ABI3BP: variants seen among roughly 807,000 people sequenced by gnomAD.
ABI3BP encodes target of Nesh-SH3.
ABI3BP carries 216 observed loss-of-function variants against 268.6 expected under a neutral mutation model. That is an observed-to-expected ratio of 0.80 (90% CI 0.72 to 0.90). The LOEUF is 0.90. ABI3BP is among the 40% of genes least tolerant of loss of function. The pLI, the probability that ABI3BP is intolerant of heterozygous loss-of-function variation, is 0.00. For missense variants in ABI3BP, 2,090 were observed against 2,182.4 expected, an observed-to-expected ratio of 0.96 and a Z score of 0.84; for synonymous variants, 730 against 730.0, an observed-to-expected ratio of 1.00 and a Z score of 0.00.
intron 37 of ABI3BP, 60 bp from the exon 38 acceptor site, chr3:100,822,732 T>A (rs1488995699): frequency 1.4e-6 from 2 of 1,461,626 alleles, no homozygotes; most frequent in Admixed American, 2.0e-5. Flanking sequence ...CTGGAAGCTG[T>A]GTGAGGTAAA....
At chr3:100,791,039 C>T (rs2097184156) in intron 55 of ABI3BP, among the ~76,000 whole-genome samples, 1 of 151,742 alleles carries the variant, frequency 6.6e-6, no homozygotes, top group African/African-American at 2.4e-5. Context: ...TTGTAACTTA[C>T]TCATATAGCT....
intron 2 of ABI3BP, among the ~76,000 whole-genome samples, chr3:100,925,137 T>C (rs182330225): frequency 6.6e-6 from 1 of 152,274 alleles, no homozygotes; most frequent in East Asian, 1.9e-4. Flanking sequence ...AGATGCTTAA[T>C]TAACAATATT....
At chr3:100,839,758 C>T (rs917506472) in intron 23 of ABI3BP, 142 bp from the exon 24 acceptor site, 57 of 940,246 alleles carry the variant, frequency 6.1e-5, no homozygotes, top group Admixed American at 1.8e-4. Context: ...TCCCATTTTC[C>T]TTTCTCCTTG....
At chr3:100,848,430 T>C (rs1368111558) in intron 18 of ABI3BP, among the ~76,000 whole-genome samples, 2 of 152,042 alleles carry the variant, frequency 1.3e-5, no homozygotes, top group African/African-American at 4.8e-5. Flanking sequence ...TCATCTTTAG[T>C]TAATCTCAAA....
intron 4 of ABI3BP, among the ~76,000 whole-genome samples, chr3:100,889,308 G>A (rs2153425941): frequency 6.6e-6 from 1 of 152,196 alleles, no homozygotes; most frequent in Non-Finnish European, 1.5e-5. Flanking sequence ...GACAGACCCA[G>A]GCAAATGCCA....
At chr3:100,810,387 A>G in intron 49 of ABI3BP, 25 bp downstream of exon 49, 1 of 1,514,368 alleles carries the variant, frequency 6.6e-7, no homozygotes, top group Non-Finnish European at 8.9e-7. Flanking sequence ...CACCTCATAT[A>G]TGACATACAA....
At chr3:100,830,164 T>TATAA (rs2098467376) in intron 32 of ABI3BP, among the ~76,000 whole-genome samples, 18 of 84,904 alleles carry the variant, frequency 2.1e-4, no homozygotes, top group Non-Finnish European at 4.0e-4. Context: ...TATATATATA[T>TATAA]AAAATGCAGA....
chr3:100,908,927 C>A (rs986364412), intron 2 of ABI3BP, among the ~76,000 whole-genome samples: 3 of 152,094 alleles, frequency 2.0e-5, no homozygotes, highest in Non-Finnish European at 4.4e-5. Context: ...CATATGGAAT[C>A]AAAAAAGAGC....
intron 63 of ABI3BP, among the ~76,000 whole-genome samples, chr3:100,764,504 C>T (rs1325449247): frequency 6.6e-6 from 1 of 152,206 alleles, no homozygotes; most frequent in African/African-American, 2.4e-5. Context: ...ACATTCAGAT[C>T]ATGAGCTAAT....
chr3:100,781,308 C>T (rs1025372757), intron 57 of ABI3BP, among the ~76,000 whole-genome samples: 8 of 152,120 alleles, frequency 5.3e-5, no homozygotes, highest in African/African-American at 1.9e-4. Flanking sequence ...GACATTTTCA[C>T]ATTAATTTAT....
chr3:100,952,495 A>G (rs1197803672), intron 1 of ABI3BP: 2 of 152,222 alleles, frequency 1.3e-5, no homozygotes, highest in Non-Finnish European at 2.9e-5. Context: ...GAGAAAAATT[A>G]AACACTCTAA....
chr3:100,844,604 G>T, intron 20 of ABI3BP: 2 of 212,020 alleles, frequency 9.4e-6, no homozygotes, highest in Non-Finnish European at 1.6e-5. Context: ...CTTTAGGAGA[G>T]CTATAAAGGT....
intron 28 of ABI3BP, 30 bp from the exon 29 acceptor site, chr3:100,834,803 A>C: frequency 6.6e-7 from 1 of 1,525,216 alleles, no homozygotes; most frequent in East Asian, 2.4e-5. Flanking sequence ...TATTGTAGTC[A>C]TATGACTCCA....
intron 51 of ABI3BP, among the ~76,000 whole-genome samples, chr3:100,799,862 T>A (rs989613747): frequency 5.3e-5 from 8 of 152,212 alleles, no homozygotes; most frequent in Admixed American, 5.2e-4. Context: ...CCCCAAATCC[T>A]GACTTCTGTT....
At chr3:100,753,638 T>G (rs1287745220) in intron 65 of ABI3BP, among the ~76,000 whole-genome samples, 181 bp downstream of exon 65, 3 of 152,158 alleles carry the variant, frequency 2.0e-5, no homozygotes, top group Admixed American at 2.0e-4. Context: ...GTCCAACTTG[T>G]TCCCAGAACA....
At position 100,821,585 on chromosome 3, in the gene ABI3BP, C is replaced by T. The variant is rs181204221; in HGVS notation, c.2888-472G>A. Among the ~76,000 whole-genome samples the T allele has an allele frequency of 7.5e-5, 11 of 146,320 alleles. No homozygotes were observed. In the South Asian group the frequency reaches 1.7e-3, roughly 23 times the overall value. ...GATTCAGAAGGGATTTGCCTGTCAT[C>T]TTGAAGTAAGACTTTTTTTTTTTTT... is the stretch of plus-strand genomic sequence containing the variant. On this transcript the variant is annotated intron_variant, in intron 38 of 67. Transcript: ENST00000471714.
intron 45 of ABI3BP, among the ~76,000 whole-genome samples, 164 bp from the exon 46 acceptor site, chr3:100,812,687 C>T (rs1273203708): frequency 2.6e-5 from 4 of 152,070 alleles, no homozygotes; most frequent in Admixed American, 6.6e-5. Context: ...AACATGATAA[C>T]TACTGTACGT....
chr3:100,897,278 A>C (rs77652662), intron 4 of ABI3BP, among the ~76,000 whole-genome samples: 1 of 152,176 alleles, frequency 6.6e-6, no homozygotes, highest in Non-Finnish European at 1.5e-5. Context: ...TAGGCAAAAA[A>C]TAATCAAATA....
chr3:100,953,043 C>T (rs2075648124), intron 1 of ABI3BP, among the ~76,000 whole-genome samples: 1 of 152,122 alleles, frequency 6.6e-6, no homozygotes. Context: ...ATCTTTGATT[C>T]TTTTCACTTT....
Sources: allele counts gnomAD v4.1 joint callset (sites outside exome capture counted in the v4.1 genomes callset), GRCh38; gene constraint gnomAD v4.1.1; transcripts MANE v1.5; gene names NCBI Gene and HGNC (gene_info 2026-07-23, HGNC 2026-07-21).